CHCHD6: variants seen among roughly 807,000 people sequenced by gnomAD.
The protein encoded by CHCHD6 is MICOS complex subunit MIC25.
Under a neutral mutation model 32.3 loss-of-function variants are expected in CHCHD6, and 28 were observed. The observed-to-expected ratio is 0.87, with a 90% confidence interval of 0.64 to 1.19. CHCHD6 has a LOEUF of 1.19. Ranked by LOEUF, CHCHD6 falls within the 50% of genes most tolerant of loss-of-function variation. The pLI is 0.00. For synonymous variants in CHCHD6, 122 were observed against 117.5 expected (o/e 1.04, Z -0.25); for missense variants, 333 against 307.0 (o/e 1.08, Z -0.63).
At chr3:126,714,076 CAAAAA>C (rs1157910763) in intron 1 of CHCHD6, among the ~76,000 whole-genome samples, 9 of 28,882 alleles carry the variant, frequency 3.1e-4, no homozygotes, top group South Asian at 2.0e-3. Flanking sequence ...GACTGCATCT[CAAAAA>C]AAAAAAAAAA....
At chr3:126,727,046 C>A in intron 1 of CHCHD6, 32 bp from the exon 2 acceptor site, 1 of 1,520,008 alleles carries the variant, frequency 6.6e-7, no homozygotes, top group Non-Finnish European at 9.1e-7. Context: ...TGTGACATAA[C>A]TTTTTCTTTT....
At chr3:126,824,235 A>T (rs888200296) in intron 4 of CHCHD6, among the ~76,000 whole-genome samples, 1 of 151,668 alleles carries the variant, frequency 6.6e-6, no homozygotes, top group African/African-American at 2.4e-5. Flanking sequence ...TATTGCTGAG[A>T]GTTTTATCAA....
At chr3:126,887,352 G>T (rs2077692499) in intron 5 of CHCHD6, among the ~76,000 whole-genome samples, 1 of 152,006 alleles carries the variant, frequency 6.6e-6, no homozygotes, top group African/African-American at 2.4e-5. Context: ...TGCTTTAAAA[G>T]TGCTAACTTT....
At chr3:126,837,868 C>T (rs1399370522) in intron 4 of CHCHD6, among the ~76,000 whole-genome samples, 1 of 152,210 alleles carries the variant, frequency 6.6e-6, no homozygotes, top group Non-Finnish European at 1.5e-5. Context: ...AGCATTTCCA[C>T]CGTCTCCTTC....
chr3:126,704,396 CCGGGTGAG>C lies in CHCHD6; in HGVS notation c.87+1_87+8del, dbSNP rs748405239. 6.5e-7 allele frequency: 1 copy of C among 1,537,706 alleles called. No homozygotes were observed. The highest frequency in any genetic ancestry group is 1.4e-5 in the African/African-American group (1 of 70,784). ...AGCGGGTCCGGGTGCTGCAGGGTGT[CCGGGTGAG>C]CGGCGCCGCCTGGGCCGGGGCGGGC... On this transcript the variant is annotated splice_donor_variant and splice_donor_5th_base_variant and coding_sequence_variant and intron_variant, in exon 1 of 8. Coordinates refer to ENST00000290913, the MANE Select transcript of CHCHD6 (RefSeq NM_032343.3). LOFTEE classifies it high-confidence loss of function.
At chr3:126,917,665 G>T (rs948537281) in intron 6 of CHCHD6, among the ~76,000 whole-genome samples, 3 of 152,208 alleles carry the variant, frequency 2.0e-5, no homozygotes, top group African/African-American at 4.8e-5. Flanking sequence ...TGTCTCTCCA[G>T]AACACATATG....
At chr3:126,840,968 T>C (rs913211302) in intron 4 of CHCHD6, among the ~76,000 whole-genome samples, 2 of 152,194 alleles carry the variant, frequency 1.3e-5, no homozygotes, top group African/African-American at 2.4e-5. Flanking sequence ...TATGTATACA[T>C]GTGCCATGTT....
At chr3:126,959,316 G>T (rs1449230359) in intron 7 of CHCHD6, among the ~76,000 whole-genome samples, 1 of 152,246 alleles carries the variant, frequency 6.6e-6, no homozygotes, top group Non-Finnish European at 1.5e-5. Context: ...AGGCCTGCCT[G>T]CTCTCCCCAC....
At chr3:126,786,923 G>A (rs1454505167) in intron 4 of CHCHD6, among the ~76,000 whole-genome samples, 7 of 152,168 alleles carry the variant, frequency 4.6e-5, no homozygotes, top group African/African-American at 1.4e-4. Flanking sequence ...GAATGGTATT[G>A]CCTATGTTTT....
chr3:126,836,940 T>C (rs1315526591), intron 4 of CHCHD6, among the ~76,000 whole-genome samples: 5 of 152,188 alleles, frequency 3.3e-5, no homozygotes, highest in Non-Finnish European at 4.4e-5. Flanking sequence ...GACATCGCTT[T>C]GGGCTTTCAC....
At chr3:126,877,107 C>T (rs563275166) in intron 5 of CHCHD6, among the ~76,000 whole-genome samples, 1 of 152,100 alleles carries the variant, frequency 6.6e-6, no homozygotes. Context: ...TGTTTGAATC[C>T]ACTTATTTTT....
chr3:126,852,653 G>C lies in CHCHD6; in HGVS notation c.418G>C (p.Glu140Gln). Reference protein sequence around the residue: ...EEQKSVRLARELESREAELRR... With the variant: ...EEQKSVRLARQLESREAELRR... ...TTTGTTCTCTTCCAAGCAGGCCAGGGAGCTGGAGAGCAGAGAGGCAGAGCT... is the reference window on the plus strand; with the variant it reads ...TTTGTTCTCTTCCAAGCAGGCCAGGCAGCTGGAGAGCAGAGAGGCAGAGCT... The change falls in exon 5 of 8, where the codon GAG (glutamate) becomes CAG (glutamine). Residue 140 changes from glutamate (E) to glutamine (Q), a missense_variant. Physicochemically the swap from Glu to Gln is conservative, Grantham distance 29. Transcript: ENST00000290913. The C allele has an allele frequency of 1.2e-6, 2 of 1,613,560 alleles. No individual in the cohort carries two copies. Among genetic ancestry groups the C allele is most frequent in the Non-Finnish European group, 1.7e-6 (2 of 1,179,558 alleles).
chr3:126,805,441 C>A (rs1042698766), intron 4 of CHCHD6, among the ~76,000 whole-genome samples: 13 of 152,004 alleles, frequency 8.6e-5, no homozygotes, highest in East Asian at 1.9e-4. Flanking sequence ...TGAGTGAACT[C>A]CCATTCACAA....
At chr3:126,944,862 C>T (rs1398393380) in intron 6 of CHCHD6, among the ~76,000 whole-genome samples, 1 of 152,212 alleles carries the variant, frequency 6.6e-6, no homozygotes, top group Non-Finnish European at 1.5e-5. Context: ...GACTTACCTT[C>T]TCCTCAGGAC....
At chr3:126,956,290 T>A (rs1576650329) in intron 6 of CHCHD6, among the ~76,000 whole-genome samples, 1 of 152,222 alleles carries the variant, frequency 6.6e-6, no homozygotes, top group South Asian at 2.1e-4. Flanking sequence ...TTGGAAAGGC[T>A]GTTAAGTGTT....
chr3:126,754,340 C>A (rs1328625692), intron 4 of CHCHD6, among the ~76,000 whole-genome samples: 1 of 152,152 alleles, frequency 6.6e-6, no homozygotes, highest in East Asian at 1.9e-4. Context: ...CTTCACCTGC[C>A]ATAGGTCCTA....
chr3:126,852,811 G>A (rs751452806), intron 5 of CHCHD6, 81 bp downstream of exon 5: 19 of 967,900 alleles, frequency 2.0e-5, no homozygotes, highest in Non-Finnish European at 2.8e-5. Context: ...CATGGGGGGA[G>A]AGAGGAGTCC....
intron 5 of CHCHD6, among the ~76,000 whole-genome samples, chr3:126,903,375 G>A (rs768247383): frequency 5.9e-5 from 9 of 152,132 alleles, no homozygotes; most frequent in East Asian, 1.9e-4. Flanking sequence ...TCCCAGCCTC[G>A]GATTTCCCAG....
At chr3:126,902,946 A>G (rs1231192474) in intron 5 of CHCHD6, among the ~76,000 whole-genome samples, 2 of 152,132 alleles carry the variant, frequency 1.3e-5, no homozygotes, top group Admixed American at 1.3e-4. Context: ...ATATAGTGCC[A>G]TACTGCCGAA....
Sources: gnomAD v4.1 joint callset for allele counts (sites outside exome capture counted in the v4.1 genomes callset) on GRCh38, gnomAD v4.1.1 for gene constraint, MANE v1.5 for transcripts, NCBI Gene and HGNC (gene_info 2026-07-23, HGNC 2026-07-21) for gene names.